The following RNF130 variants were observed in gnomAD, a reference collection of about 807,000 sequenced individuals.
RNF130 encodes the protein ring finger protein 130.
RNF130 carries 21 observed loss-of-function variants against 44.6 expected under a neutral mutation model. The observed-to-expected ratio is 0.47, with a 90% CI of 0.33 to 0.68. The LOEUF (loss-of-function observed/expected upper bound fraction) is 0.68, where lower values mean the gene tolerates loss of function less well. RNF130 is among the 30% of genes least tolerant of loss of function. The pLI is 0.02. For synonymous variants in RNF130, 214 were observed against 210.4 expected (o/e 1.02, Z -0.15); for missense variants, 479 against 560.6 (o/e 0.85, Z 1.47).
chr5:180,066,310 T>C (rs1050805223), intron 1 of RNF130, among the ~76,000 whole-genome samples: 1 of 152,228 alleles, frequency 6.6e-6, no homozygotes, highest in African/African-American at 2.4e-5. Flanking sequence ...GCTGCCGCCA[T>C]GTAAGAAGTA....
intron 1 of RNF130, among the ~76,000 whole-genome samples, chr5:180,041,581 G>C (rs1194264520): frequency 6.6e-6 from 1 of 152,162 alleles, no homozygotes; most frequent in Non-Finnish European, 1.5e-5. Flanking sequence ...ATTTATAACA[G>C]GTTCAAATGA....
Position 180,053,220 on chromosome 5 carries a change from A to G in RNF130, c.248-12573T>C, listed in dbSNP as rs531443620. 8.5e-5 allele frequency among the ~76,000 whole-genome samples: 13 copies of G among 152,232 alleles called. No individual in the cohort carries two copies. In the South Asian group the frequency reaches 2.7e-3, roughly 32 times the overall value. On this transcript the variant is annotated intron_variant, in intron 1 of 8. Transcript: ENST00000521389. ...AGGGATTGCAACCACCTAGAGCTGC[A>G]GAAGAGATCTCACCCCTCCGCTTCC...
chr5:180,034,812 T>C (rs557217443), intron 2 of RNF130, among the ~76,000 whole-genome samples: 22 of 152,318 alleles, frequency 1.4e-4, no homozygotes. Context: ...ACTGAACCTG[T>C]GGATGGTCAT....
chr5:179,937,982 C>A (rs1264488981), intron 7 of RNF130, among the ~76,000 whole-genome samples: 1 of 134,102 alleles, frequency 7.5e-6, no homozygotes, highest in African/African-American at 2.9e-5. Context: ...CAGAGACAGA[C>A]AGGGTCTCAC....
chr5:179,946,584 C>A (rs542371482), intron 7 of RNF130, among the ~76,000 whole-genome samples: 1 of 149,160 alleles, frequency 6.7e-6, no homozygotes, highest in Non-Finnish European at 1.5e-5. Context: ...GACGGAGTCT[C>A]GCTCTGTCGC....
At chr5:180,035,880 G>C (rs2113131429) in intron 2 of RNF130, among the ~76,000 whole-genome samples, 1 of 152,124 alleles carries the variant, frequency 6.6e-6, no homozygotes, top group South Asian at 2.1e-4. Flanking sequence ...GTTCTTTACT[G>C]AGAATCTCTA....
chr5:179,962,618 GAACAA>G (rs1293090674), intron 8 of RNF130, among the ~76,000 whole-genome samples: 2 of 152,020 alleles, frequency 1.3e-5, no homozygotes, highest in Non-Finnish European at 2.9e-5. Context: ...CCAAAATTTA[GAACAA>G]AACAAAACAA....
At chr5:179,944,520 G>T (rs188733685) in intron 7 of RNF130, among the ~76,000 whole-genome samples, 8 of 151,966 alleles carry the variant, frequency 5.3e-5, no homozygotes, top group Admixed American at 5.2e-4. Context: ...CTGGAGTGCA[G>T]TGCCACAATC....
chr5:179,982,835 T>C (rs1249350737), intron 3 of RNF130, among the ~76,000 whole-genome samples: 1 of 152,224 alleles, frequency 6.6e-6, no homozygotes, highest in Non-Finnish European at 1.5e-5. Context: ...CCTCTCACTT[T>C]GGCTTCCCAA....
chr5:180,030,312 A>G (rs1764105425), intron 2 of RNF130, among the ~76,000 whole-genome samples: 1 of 152,142 alleles, frequency 6.6e-6, no homozygotes, highest in Non-Finnish European at 1.5e-5. Flanking sequence ...TCAGTTTAAG[A>G]ATCTTGTATT....
chr5:180,035,675 G>A (rs1764233214), intron 2 of RNF130, among the ~76,000 whole-genome samples: 1 of 152,086 alleles, frequency 6.6e-6, no homozygotes, highest in African/African-American at 2.4e-5. Flanking sequence ...GTGTATCTTA[G>A]GTCTCTGATA....
intron 3 of RNF130, among the ~76,000 whole-genome samples, chr5:179,981,397 C>A (rs1561679515): frequency 6.6e-6 from 1 of 152,134 alleles, no homozygotes; most frequent in Non-Finnish European, 1.5e-5. Flanking sequence ...ACAACGGACA[C>A]CTTAAGAATG....
intron 7 of RNF130, among the ~76,000 whole-genome samples, chr5:179,944,329 T>G (rs1465372481): frequency 1.3e-5 from 2 of 152,194 alleles, no homozygotes; most frequent in Non-Finnish European, 2.9e-5. Flanking sequence ...ATTAAATAAC[T>G]AAAGGATCTG....
chr5:179,942,705 CATTAGAGTA>C (rs892810784), intron 7 of RNF130, among the ~76,000 whole-genome samples: 12 of 152,204 alleles, frequency 7.9e-5, no homozygotes, highest in African/African-American at 2.9e-4. Flanking sequence ...AAACTGTAAT[CATTAGAGTA>C]CATTTGTGAA....
At chr5:179,989,807 TTCTG>T (rs1005109159) in intron 3 of RNF130, among the ~76,000 whole-genome samples, 2 of 152,226 alleles carry the variant, frequency 1.3e-5, no homozygotes, top group African/African-American at 4.8e-5. Flanking sequence ...TTATTTTTTC[TTCTG>T]TCTTTGTGGT....
At chr5:180,002,002 C>T (rs1168587263) in intron 3 of RNF130, among the ~76,000 whole-genome samples, 3 of 152,234 alleles carry the variant, frequency 2.0e-5, no homozygotes, top group African/African-American at 7.2e-5. Context: ...AAGGCACCAA[C>T]TCCCCAAAGG....
intron 6 of RNF130, 43 bp from the exon 7 acceptor site, chr5:179,967,053 C>T (rs184121178): frequency 6.6e-7 from 1 of 1,521,658 alleles, no homozygotes; most frequent in Non-Finnish European, 9.1e-7. Flanking sequence ...AAGGAAAACA[C>T]AACCTTTCAT....
At chr5:179,922,061 T>C (rs990827800) in intron 7 of RNF130, among the ~76,000 whole-genome samples, 23 of 151,530 alleles carry the variant, frequency 1.5e-4, no homozygotes, top group African/African-American at 5.6e-4. Context: ...AAGATGGCCC[T>C]ACCGGCAGCC....
intron 1 of RNF130, among the ~76,000 whole-genome samples, chr5:180,062,374 T>C (rs1304168858): frequency 2.0e-5 from 3 of 152,084 alleles, no homozygotes; most frequent in Non-Finnish European, 4.4e-5. Context: ...CAGCCTCTTT[T>C]ATAAGGGCAC....
Sources: gnomAD v4.1 joint callset for allele counts (sites outside exome capture counted in the v4.1 genomes callset) on GRCh38, gnomAD v4.1.1 for gene constraint, MANE v1.5 for transcripts, NCBI Gene and HGNC (gene_info 2026-07-23, HGNC 2026-07-21) for gene names.